The following MYT1L variants were observed in gnomAD, a reference collection of about 807,000 sequenced individuals.
The protein encoded by MYT1L is myelin transcription factor 1-like protein.
MYT1L carries 12 observed loss-of-function variants against 126.7 expected under a neutral mutation model. The ratio of observed to expected loss-of-function variants is 0.09; its 90% CI spans 0.06 to 0.15. The LOEUF is 0.15. MYT1L is among the 10% of genes least tolerant of loss of function. The pLI, the probability that MYT1L is intolerant of heterozygous loss-of-function variation, is 1.00. For synonymous variants in MYT1L, 541 were observed against 604.2 expected (o/e 0.90, Z 1.53); for missense variants, 979 against 1,585.2 (o/e 0.62, Z 6.49).
intron 3 of MYT1L, among the ~76,000 whole-genome samples, chr2:2,141,951 G>A (rs1174674923): frequency 1.3e-5 from 2 of 152,138 alleles, no homozygotes; most frequent in Non-Finnish European, 2.9e-5. Context: ...ACCCAAGCAC[G>A]TCCTCATCTG....
chr2:2,045,090 CCCACA>C (rs2068015786), intron 4 of MYT1L, among the ~76,000 whole-genome samples: 1 of 152,114 alleles, frequency 6.6e-6, no homozygotes, highest in South Asian at 2.1e-4. Context: ...AAGGGCAGCC[CCCACA>C]CTGAAGGAAT....
intron 1 of MYT1L, among the ~76,000 whole-genome samples, chr2:2,317,601 A>G (rs1368033360): frequency 6.6e-6 from 1 of 152,222 alleles, no homozygotes; most frequent in African/African-American, 2.4e-5. Flanking sequence ...AAATTAAAAA[A>G]GACAAAAAAT....
chr2:2,235,316 T>G (rs1192432069), intron 2 of MYT1L, among the ~76,000 whole-genome samples: 1 of 147,990 alleles, frequency 6.8e-6, no homozygotes, highest in Non-Finnish European at 1.5e-5. Context: ...TAGAGGTGTG[T>G]GTGTAGCTGG....
At chr2:2,124,925 T>A (rs1375720661) in intron 3 of MYT1L, among the ~76,000 whole-genome samples, 2 of 152,200 alleles carry the variant, frequency 1.3e-5, no homozygotes, top group African/African-American at 4.8e-5. Flanking sequence ...CATCATCCCG[T>A]ATTTTTTTCA....
chr2:1,858,817 C>T (rs2044225510), intron 18 of MYT1L, among the ~76,000 whole-genome samples: 1 of 152,228 alleles, frequency 6.6e-6, no homozygotes, highest in Non-Finnish European at 1.5e-5. Flanking sequence ...AGTGCAAGAT[C>T]CCGCATGGGG....
At chr2:2,045,671 TGTG>T (rs2068094178) in intron 4 of MYT1L, among the ~76,000 whole-genome samples, 1 of 152,142 alleles carries the variant, frequency 6.6e-6, no homozygotes, top group South Asian at 2.1e-4. Flanking sequence ...GTAGTTGTAC[TGTG>T]AATGCATTAG....
chr2:1,831,104 A>C (rs536843013), intron 21 of MYT1L, among the ~76,000 whole-genome samples: 1 of 152,064 alleles, frequency 6.6e-6, no homozygotes, highest in African/African-American at 2.4e-5. Flanking sequence ...GGTGTCCCAG[A>C]CACCACCACA....
At chr2:1,809,254 G>A in intron 21 of MYT1L, 87 bp from the exon 22 acceptor site, 1 of 1,272,234 alleles carries the variant, frequency 7.9e-7, no homozygotes, top group Non-Finnish European at 1.1e-6. Context: ...GCGTAGAATA[G>A]CATTATTAGG....
At chr2:1,965,868 G>T (rs1191379503) in intron 8 of MYT1L, among the ~76,000 whole-genome samples, 1 of 152,252 alleles carries the variant, frequency 6.6e-6, no homozygotes, top group Non-Finnish European at 1.5e-5. Context: ...GAAAGGCTTT[G>T]CCTGGCATGC....
At chr2:1,902,835 CG>C in intron 14 of MYT1L, 1 of 514,638 alleles carries the variant, frequency 1.9e-6, no homozygotes, top group Non-Finnish European at 3.5e-6. Flanking sequence ...CACGAGCAGC[CG>C]AGTGCGCTGT....
At chr2:2,100,926 G>C (rs1474209392) in intron 3 of MYT1L, among the ~76,000 whole-genome samples, 1 of 152,208 alleles carries the variant, frequency 6.6e-6, no homozygotes, top group South Asian at 2.1e-4. Context: ...AAGTAGAATA[G>C]CACGTAGATA....
intron 1 of MYT1L, among the ~76,000 whole-genome samples, chr2:2,294,450 C>T (rs2095642925): frequency 6.6e-6 from 1 of 152,146 alleles, no homozygotes. Context: ...CACCCAGAAG[C>T]CGCGTCTGAT....
At chr2:2,015,220 G>A (rs560528419) in intron 4 of MYT1L, among the ~76,000 whole-genome samples, 4 of 152,270 alleles carry the variant, frequency 2.6e-5, no homozygotes, top group African/African-American at 9.6e-5. Context: ...TTAAGCACAC[G>A]GCCTCCGAGG....
intron 3 of MYT1L, among the ~76,000 whole-genome samples, chr2:2,125,665 T>G (rs980688015): frequency 1.3e-5 from 2 of 152,238 alleles, no homozygotes; most frequent in East Asian, 3.9e-4. Context: ...ATACAAAATA[T>G]TGTAATTTTG....
At chr2:1,844,501 CTA>C (rs1396745416) in intron 19 of MYT1L, among the ~76,000 whole-genome samples, 1 of 152,122 alleles carries the variant, frequency 6.6e-6, no homozygotes, top group Non-Finnish European at 1.5e-5. Context: ...TACAGAATGA[CTA>C]TTTGTGAGAA....
intron 4 of MYT1L, among the ~76,000 whole-genome samples, chr2:2,053,401 G>C (rs2069084612): frequency 6.6e-6 from 1 of 152,062 alleles, no homozygotes; most frequent in Non-Finnish European, 1.5e-5. Flanking sequence ...CTGTAAAAAT[G>C]GTAAATTTCA....
chr2:2,178,142 T>C (rs1208109779), intron 2 of MYT1L, among the ~76,000 whole-genome samples: 1 of 152,152 alleles, frequency 6.6e-6, no homozygotes, highest in Non-Finnish European at 1.5e-5. Context: ...GTAACATTTA[T>C]GTAACAAAAT....
chr2:2,030,097 T>A (rs1402426907), intron 4 of MYT1L, among the ~76,000 whole-genome samples: 2 of 152,064 alleles, frequency 1.3e-5, no homozygotes, highest in Non-Finnish European at 2.9e-5. Context: ...TGTTTGTTTG[T>A]TTAGTTTGTT....
At chr2:1,891,963 G>A (rs1296077655) in intron 15 of MYT1L, 74 bp downstream of exon 15, 2 of 1,441,964 alleles carry the variant, frequency 1.4e-6, no homozygotes, top group Non-Finnish European at 1.8e-6. Context: ...AAAGCGCCGC[G>A]TGTCTCGGTG....
Sources: gnomAD v4.1 joint callset for allele counts (sites outside exome capture counted in the v4.1 genomes callset) on GRCh38, gnomAD v4.1.1 for gene constraint, MANE v1.5 for transcripts, NCBI Gene and HGNC (gene_info 2026-07-23, HGNC 2026-07-21) for gene names.